The following TMEM45B variants were observed in gnomAD, a reference collection of about 807,000 sequenced individuals.
The protein encoded by TMEM45B is transmembrane protein 45B.
Under a neutral mutation model 27.3 loss-of-function variants are expected in TMEM45B, and 29 were observed. The observed-to-expected ratio is 1.06, with a 90% CI of 0.79 to 1.45. The LOEUF (loss-of-function observed/expected upper bound fraction) is 1.45, where lower values mean the gene tolerates loss of function less well. Among genes scored for constraint, TMEM45B ranks in the 40% most tolerant of loss-of-function variants. The pLI is 0.00. For synonymous variants in TMEM45B, 143 were observed against 134.7 expected, an observed-to-expected ratio of 1.06 and a Z score of -0.43; for missense variants, 348 against 343.9, an observed-to-expected ratio of 1.01 and a Z score of -0.09.
At chr11:129,825,144 G>A (rs904013820) in intron 1 of TMEM45B, among the ~76,000 whole-genome samples, 4 of 152,328 alleles carry the variant, frequency 2.6e-5, no homozygotes, top group African/African-American at 7.2e-5. Flanking sequence ...TTCATGGACA[G>A]CAGGACTAGA....
At chr11:129,816,948 G>C (rs1223126110) in intron 1 of TMEM45B, among the ~76,000 whole-genome samples, 1 of 149,918 alleles carries the variant, frequency 6.7e-6, no homozygotes, top group Admixed American at 6.6e-5. Context: ...GGGTTTCACC[G>C]TGTTAGCCAG....
chr11:129,854,948 A>C, intron 3 of TMEM45B, 132 bp downstream of exon 3: 2 of 1,047,194 alleles, frequency 1.9e-6, no homozygotes, highest in Non-Finnish European at 2.8e-6. Flanking sequence ...CTGGACTGCC[A>C]AAACCTGAAT....
chr11:129,828,080 C>G (rs1947507602), intron 1 of TMEM45B: 1 of 152,176 alleles, frequency 6.6e-6, no homozygotes, highest in Admixed American at 6.5e-5. Flanking sequence ...CAGCTGTCTA[C>G]TAGATTATAA....
chr11:129,837,782 T>A, intron 1 of TMEM45B, among the ~76,000 whole-genome samples: 1 of 137,890 alleles, frequency 7.3e-6, no homozygotes, highest in South Asian at 2.5e-4. Flanking sequence ...AGTTTCTTTT[T>A]TTTTTTTTTT....
intron 1 of TMEM45B, among the ~76,000 whole-genome samples, chr11:129,837,022 G>A (rs1393977339): frequency 1.3e-5 from 2 of 152,132 alleles, no homozygotes. Context: ...TGTGCAGGAC[G>A]GCCCCACAAC....
At chr11:129,833,048 C>T (rs1361009225) in intron 1 of TMEM45B, among the ~76,000 whole-genome samples, 1 of 151,846 alleles carries the variant, frequency 6.6e-6, no homozygotes, top group Non-Finnish European at 1.5e-5. Context: ...TCGAGACCAG[C>T]CTGGCCAACA....
At chr11:129,843,064 C>T (rs551299147) in intron 1 of TMEM45B, among the ~76,000 whole-genome samples, 7 of 152,324 alleles carry the variant, frequency 4.6e-5, no homozygotes, top group South Asian at 2.1e-4. Context: ...CTCAGCCTCC[C>T]GAGTGGCTGG....
chr11:129,836,377 AG>A (rs1947620120), intron 1 of TMEM45B, among the ~76,000 whole-genome samples: 1 of 152,168 alleles, frequency 6.6e-6, no homozygotes, highest in African/African-American at 2.4e-5. Flanking sequence ...GGGACTTAAC[AG>A]TTGATGCTGA....
chr11:129,820,124 G>A (rs534857818), intron 1 of TMEM45B, among the ~76,000 whole-genome samples: 49 of 151,846 alleles, frequency 3.2e-4, no homozygotes, highest in African/African-American at 1.1e-3. Flanking sequence ...GACCAGCCTG[G>A]CCAACATGGT....
rs1947864012 is a variant in TMEM45B at position 129,852,608 on chromosome 11, T to A, written c.126T>A (p.Tyr42Ter). Reference sequence around the variant, plus strand: ...GGAAGAACAGCCCACTACATTACTATCAGCGTCTCGAGATCGTCGAAGCCG... The same window carrying A: ...GGAAGAACAGCCCACTACATTACTAACAGCGTCTCGAGATCGTCGAAGCCG... ...HTRKNSPLHYYQRLEIVEAAI... is the reference protein window; with the variant it reads ...HTRKNSPLHY The change falls in exon 2 of 6, where the codon TAT becomes TAA. Residue 42 changes from tyrosine to a stop codon, truncating the protein, a stop_gained. Coordinates refer to ENST00000281441, the MANE Select transcript of TMEM45B (RefSeq NM_138788.5). LOFTEE classifies it high-confidence loss of function. 1 of 1,612,652 alleles carries A rather than the reference T, an allele frequency of 6.2e-7. No individual in the cohort carries two copies.
chr11:129,831,517 T>C (rs962316205), intron 1 of TMEM45B, among the ~76,000 whole-genome samples: 1 of 152,204 alleles, frequency 6.6e-6, no homozygotes, highest in Admixed American at 6.5e-5. Context: ...TTAAAATTTC[T>C]AAATTATTTG....
At chr11:129,853,880 A>C (rs895085421) in intron 2 of TMEM45B, among the ~76,000 whole-genome samples, 1 of 152,252 alleles carries the variant, frequency 6.6e-6, no homozygotes, top group Non-Finnish European at 1.5e-5. Flanking sequence ...CCCCAAGAAC[A>C]CTTTGGGTAC....
chr11:129,850,680 A>C (rs1947835456), intron 1 of TMEM45B: 1 of 152,208 alleles, frequency 6.6e-6, no homozygotes, highest in African/African-American at 2.4e-5. Flanking sequence ...TTTCTGTCTG[A>C]GACCTCATCA....
chr11:129,857,989 C>A (rs1412284687), intron 5 of TMEM45B, among the ~76,000 whole-genome samples: 1 of 152,180 alleles, frequency 6.6e-6, no homozygotes, highest in Non-Finnish European at 1.5e-5. Context: ...ACTCTATTAT[C>A]CCATTTAATC....
At chr11:129,848,499 C>G (rs572746516) in intron 1 of TMEM45B, among the ~76,000 whole-genome samples, 261 of 148,824 alleles carry the variant, frequency 1.8e-3, no homozygotes, top group African/African-American at 6.3e-3. Context: ...AAAGGGAGAC[C>G]GTGGAAAGAG....
intron 1 of TMEM45B, among the ~76,000 whole-genome samples, chr11:129,816,125 C>G (rs1378222355): frequency 2.0e-5 from 3 of 152,276 alleles, no homozygotes; most frequent in African/African-American, 7.2e-5. Context: ...CAGCTGGGGC[C>G]CCCTCCGGGC....
intron 1 of TMEM45B, among the ~76,000 whole-genome samples, chr11:129,819,015 G>A (rs1324902098): frequency 6.6e-6 from 1 of 152,138 alleles, no homozygotes; most frequent in Non-Finnish European, 1.5e-5. Context: ...TTGGTTTGAG[G>A]TCTGTGACAG....
chr11:129,850,758 C>T (rs934202653), intron 1 of TMEM45B, among the ~76,000 whole-genome samples: 24 of 152,156 alleles, frequency 1.6e-4, no homozygotes, highest in African/African-American at 5.1e-4. Flanking sequence ...TCTCTAAGAA[C>T]GAGGCTTTCC....
At chr11:129,854,393 G>C (rs1287632574) in intron 2 of TMEM45B, among the ~76,000 whole-genome samples, 1 of 152,024 alleles carries the variant, frequency 6.6e-6, no homozygotes, top group Non-Finnish European at 1.5e-5. Flanking sequence ...CCCCTAAAAG[G>C]AACAACAATG....
Sources: allele counts gnomAD v4.1 joint callset (sites outside exome capture counted in the v4.1 genomes callset), GRCh38; gene constraint gnomAD v4.1.1; transcripts MANE v1.5; gene names NCBI Gene and HGNC (gene_info 2026-07-23, HGNC 2026-07-21).